Variants in PXDNL observed in about 807,000 individuals in gnomAD.
PXDNL encodes the protein probable oxidoreductase PXDNL.
A neutral mutation model predicts 150.8 loss-of-function variants in PXDNL; 145 were observed. The ratio of observed to expected loss-of-function variants is 0.96; its 90% CI spans 0.84 to 1.10. The LOEUF (loss-of-function observed/expected upper bound fraction) is 1.10, where lower values mean the gene tolerates loss of function less well. Among genes scored for constraint, PXDNL ranks in the 50% least tolerant of loss-of-function variants. PXDNL has a pLI of 0.00. For synonymous variants in PXDNL, 757 were observed against 725.7 expected, an observed-to-expected ratio of 1.04 and a Z score of -0.69; for missense variants, 2,087 against 1,873.9, an observed-to-expected ratio of 1.11 and a Z score of -2.10.
At chr8:51,734,913 G>A (rs772925002) in intron 1 of PXDNL, among the ~76,000 whole-genome samples, 11 of 152,140 alleles carry the variant, frequency 7.2e-5, no homozygotes, top group Non-Finnish European at 1.3e-4. Flanking sequence ...GGAGAGATTG[G>A]GGAGATGTTG....
chr8:51,656,763 C>T lies in PXDNL; in HGVS notation c.165-2003G>A, dbSNP rs553629250. On this transcript the variant is annotated intron_variant, in intron 1 of 22. Coordinates refer to ENST00000356297, the MANE Select transcript of PXDNL (RefSeq NM_144651.5). ...TAATATTTATACCTTGATATAGTTG[C>T]TTCTACTCATAATTTCACGTGTGTA... 7.8e-4 allele frequency among the ~76,000 whole-genome samples: 119 copies of T among 152,254 alleles called. No homozygotes were observed. The South Asian group carries it at 0.013, about 17-fold the overall frequency.
At position 51,526,907 on chromosome 8, in the gene PXDNL, C is replaced by T. The variant is rs150249105; in HGVS notation, c.381-27137G>A. Among the ~76,000 whole-genome samples the T allele has an allele frequency of 2.7e-3, 416 of 152,248 alleles. 3 individuals carry two copies. Among genetic ancestry groups the T allele is most frequent in the Middle Eastern group, 6.8e-3 (2 of 294 alleles). On this transcript the variant is annotated intron_variant, in intron 4 of 22. Transcript: ENST00000356297. ...CACATTGGCACAGCAATGCTTCCTC[C>T]GGCCAGCCCCCTCTGTGCTCCGCCC...
intron 21 of PXDNL, among the ~76,000 whole-genome samples, chr8:51,329,073 G>A (rs1261000421): frequency 6.6e-6 from 1 of 152,176 alleles, no homozygotes; most frequent in Non-Finnish European, 1.5e-5. Context: ...ACCAGCCAGG[G>A]AAAGGAGTAG....
chr8:51,698,088 A>G (rs746453165), intron 1 of PXDNL, among the ~76,000 whole-genome samples: 1 of 152,196 alleles, frequency 6.6e-6, no homozygotes, highest in Non-Finnish European at 1.5e-5. Flanking sequence ...GTTTTGCCTC[A>G]GTGTTGATGG....
At chr8:51,608,786 G>C (rs922433506) in intron 2 of PXDNL, among the ~76,000 whole-genome samples, 2 of 134,722 alleles carry the variant, frequency 1.5e-5, no homozygotes, top group South Asian at 4.6e-4. Flanking sequence ...GCAGTGAGCC[G>C]AGATTGCGCC....
chr8:51,450,569 G>C (rs1217222804), intron 10 of PXDNL, among the ~76,000 whole-genome samples: 1 of 152,182 alleles, frequency 6.6e-6, no homozygotes, highest in African/African-American at 2.4e-5. Flanking sequence ...ATTTGGCAAA[G>C]TGTATTTGTT....
chr8:51,510,718 G>A (rs753614029), intron 4 of PXDNL, among the ~76,000 whole-genome samples: 19 of 152,232 alleles, frequency 1.2e-4, no homozygotes, highest in East Asian at 3.9e-4. Context: ...TCCTGGGGCC[G>A]GCCACTATGG....
intron 4 of PXDNL, among the ~76,000 whole-genome samples, chr8:51,549,858 C>A (rs533619087): frequency 6.6e-6 from 1 of 151,938 alleles, no homozygotes; most frequent in Non-Finnish European, 1.5e-5. Context: ...GAAATGGAAA[C>A]AAACAATACA....
chr8:51,731,675 G>A (rs536902920), intron 1 of PXDNL, among the ~76,000 whole-genome samples: 4 of 152,312 alleles, frequency 2.6e-5, no homozygotes, highest in Admixed American at 6.5e-5. Flanking sequence ...GGACACCCAG[G>A]CATTTTCATA....
rs527720212 is a variant in PXDNL at position 51,785,503 on chromosome 8, C to A, written c.164+23678G>T. Among the ~76,000 whole-genome samples, 266 of 152,312 alleles carry A rather than the reference C, an allele frequency of 1.7e-3. 1 individual carries two copies. Among genetic ancestry groups the A allele is most frequent in the African/African-American group, 6.2e-3 (257 of 41,574 alleles). On this transcript the variant is annotated intron_variant, in intron 1 of 22. Transcript: ENST00000356297. ...GGAGCAAGTCTACTGGTGACATTTT[C>A]CCAACAGCATGTGCTCACTTTGTGT... is the stretch of plus-strand genomic sequence containing the variant.
intron 4 of PXDNL, among the ~76,000 whole-genome samples, chr8:51,512,184 A>T (rs891974704): frequency 6.6e-6 from 1 of 152,254 alleles, no homozygotes; most frequent in African/African-American, 2.4e-5. Flanking sequence ...GAAGGGCAGC[A>T]TAATGTAGAA....
intron 19 of PXDNL, among the ~76,000 whole-genome samples, chr8:51,362,307 C>T (rs906286977): frequency 3.3e-5 from 5 of 152,156 alleles, no homozygotes; most frequent in African/African-American, 9.7e-5. Context: ...TTAATGGGCT[C>T]CATGCTGAAC....
chr8:51,499,215 C>T (rs1223978747), intron 5 of PXDNL, among the ~76,000 whole-genome samples: 1 of 152,168 alleles, frequency 6.6e-6, no homozygotes, highest in Admixed American at 6.6e-5. Context: ...CTGCAACCTA[C>T]GCCTCCCGGA....
At chr8:51,457,400 G>C in intron 9 of PXDNL, 98 bp downstream of exon 9, 4 of 945,580 alleles carry the variant, frequency 4.2e-6, no homozygotes, top group Non-Finnish European at 5.9e-6. Flanking sequence ...CAGTCAATGG[G>C]AATAGTTTCA....
chr8:51,446,991 C>T lies in PXDNL; in HGVS notation c.1525+13G>A. 6.2e-7 allele frequency: 1 copy of T among 1,613,244 alleles called. No homozygotes were observed. The highest frequency in any genetic ancestry group is 8.5e-7 in the Non-Finnish European group (1 of 1,179,472). ...CACTTCAGAATGTGAATATGAATCA[C>T]AGTATATATTACCTTTGGGTTTTAC... On this transcript the variant is annotated intron_variant, in intron 12 of 22. Coordinates refer to ENST00000356297, the MANE Select transcript of PXDNL (RefSeq NM_144651.5).
At chr8:51,358,038 G>A (rs1324176073) in intron 19 of PXDNL, among the ~76,000 whole-genome samples, 1 of 152,192 alleles carries the variant, frequency 6.6e-6, no homozygotes, top group African/African-American at 2.4e-5. Flanking sequence ...TTATAAAAAA[G>A]AAAGCCATCT....
chr8:51,510,031 A>G (rs1220634174), intron 4 of PXDNL, among the ~76,000 whole-genome samples: 1 of 152,130 alleles, frequency 6.6e-6, no homozygotes, highest in Non-Finnish European at 1.5e-5. Context: ...GAAAAATGAC[A>G]ATATTATCTA....
chr8:51,595,840 G>C (rs1367870090), intron 2 of PXDNL, among the ~76,000 whole-genome samples: 2 of 151,226 alleles, frequency 1.3e-5, no homozygotes, highest in Admixed American at 1.3e-4. Context: ...GAAAAAAAAA[G>C]AGGAAAATGA....
chr8:51,434,237 T>C (rs1809333772), intron 12 of PXDNL, among the ~76,000 whole-genome samples: 1 of 152,264 alleles, frequency 6.6e-6, no homozygotes, highest in Non-Finnish European at 1.5e-5. Flanking sequence ...CTGTTGCTAC[T>C]GACATAAAGC....
Sources: allele counts gnomAD v4.1 joint callset (sites outside exome capture counted in the v4.1 genomes callset), GRCh38; gene constraint gnomAD v4.1.1; transcripts MANE v1.5; gene names NCBI Gene and HGNC (gene_info 2026-07-23, HGNC 2026-07-21).